Variants in SCARB2 observed in about 807,000 individuals in gnomAD.
The protein encoded by SCARB2 is scavenger receptor class B member 2.
SCARB2 carries 29 observed loss-of-function variants against 58.6 expected under a neutral mutation model. The observed-to-expected ratio is 0.49, with a 90% CI of 0.37 to 0.67. SCARB2 has a LOEUF of 0.67. Among genes scored for constraint, SCARB2 ranks in the 30% least tolerant of loss-of-function variants. The pLI is 0.00. For synonymous variants in SCARB2, 195 were observed against 210.1 expected, an observed-to-expected ratio of 0.93 and a Z score of 0.62; for missense variants, 488 against 578.5, an observed-to-expected ratio of 0.84 and a Z score of 1.60.
At chr4:76,229,978 TG>T (rs1733465485) in intron 1 of SCARB2, among the ~76,000 whole-genome samples, 1 of 152,092 alleles carries the variant, frequency 6.6e-6, no homozygotes, top group Non-Finnish European at 1.5e-5. Flanking sequence ...AGCCAGGAGG[TG>T]GTGCTTTCAA....
At chr4:76,173,187 A>C (rs1263155340) in intron 7 of SCARB2, 1 of 152,232 alleles carries the variant, frequency 6.6e-6, no homozygotes, top group Admixed American at 6.5e-5. Flanking sequence ...TCATTCATGG[A>C]AAGGAGCAGA....
In SCARB2 at chr4:76,213,547, G is replaced by C; in HGVS notation, c.-4C>G. ...TGTAGAAGCAGCATCGGCCCATTCT[G>C]TGCGCCGCTCACGGGCCGGGCCGGG... On this transcript the variant is annotated 5_prime_UTR_variant, in exon 1 of 12. Transcript: ENST00000264896. 6.2e-7 allele frequency: 1 copy of C among 1,604,922 alleles called. No individual in the cohort carries two copies. The highest frequency in any genetic ancestry group is 2.2e-5 in the East Asian group (1 of 44,446).
intron 2 of SCARB2, among the ~76,000 whole-genome samples, chr4:76,182,100 T>C (rs1403142206): frequency 2.0e-5 from 3 of 152,174 alleles, no homozygotes; most frequent in Non-Finnish European, 4.4e-5. Flanking sequence ...CAGAATCTGA[T>C]CTTTTGTTCA....
upstream of SCARB2, among the ~76,000 whole-genome samples, chr4:76,215,000 G>T (rs1009107149): frequency 9.8e-5 from 15 of 152,330 alleles, no homozygotes; most frequent in Middle Eastern, 3.4e-3. Flanking sequence ...ATTGGGGTGG[G>T]GAATCCTTTA....
At chr4:76,186,817 A>C (rs1040841582) in intron 2 of SCARB2, among the ~76,000 whole-genome samples, 1 of 151,910 alleles carries the variant, frequency 6.6e-6, no homozygotes, top group Non-Finnish European at 1.5e-5. Flanking sequence ...TTTACTTCTG[A>C]GCAGTTTAAG....
chr4:76,163,024 T>G, intron 11 of SCARB2: 1 of 663,534 alleles, frequency 1.5e-6, no homozygotes, highest in Non-Finnish European at 2.7e-6. Context: ...AGATGGTACC[T>G]TCTAACCCTC....
chr4:76,177,213 T>G (rs1441762697), intron 4 of SCARB2: 1 of 152,066 alleles, frequency 6.6e-6, no homozygotes, highest in African/African-American at 2.4e-5. Flanking sequence ...TGAAGAGACA[T>G]TTCTGAAAAG....
intron 7 of SCARB2, among the ~76,000 whole-genome samples, chr4:76,170,567 C>T (rs1578716956): frequency 6.6e-6 from 1 of 151,596 alleles, no homozygotes; most frequent in Non-Finnish European, 1.5e-5. Context: ...TTTGTTTTTA[C>T]CAAAGACAGG....
chr4:76,209,371 T>C (rs1341257252), intron 1 of SCARB2, among the ~76,000 whole-genome samples: 1 of 152,170 alleles, frequency 6.6e-6, no homozygotes, highest in Non-Finnish European at 1.5e-5. Flanking sequence ...TTTTTATTTT[T>C]ATTTTTATTT....
chr4:76,182,219 C>T (rs2109949800), intron 2 of SCARB2, among the ~76,000 whole-genome samples: 1 of 152,216 alleles, frequency 6.6e-6, no homozygotes, highest in South Asian at 2.1e-4. Context: ...TTCCTTCTTC[C>T]TAAACCAGCT....
At chr4:76,221,639 C>T (rs971085738) in intron 1 of SCARB2, among the ~76,000 whole-genome samples, 3 of 152,084 alleles carry the variant, frequency 2.0e-5, no homozygotes, top group Non-Finnish European at 1.5e-5. Context: ...TTATTTCAAG[C>T]GAACTACTGC....
chr4:76,201,242 G>A (rs1259288787), intron 1 of SCARB2, among the ~76,000 whole-genome samples: 1 of 152,044 alleles, frequency 6.6e-6, no homozygotes, highest in Non-Finnish European at 1.5e-5. Context: ...TGGGCTTCAG[G>A]GCTCAATTCA....
chr4:76,223,162 C>T (rs544562182), intron 1 of SCARB2, among the ~76,000 whole-genome samples: 2 of 152,298 alleles, frequency 1.3e-5, no homozygotes, highest in Admixed American at 6.5e-5. Flanking sequence ...TAAAACAGTC[C>T]TCCAGGTGTT....
At chr4:76,234,276 T>C (rs993523340) in intron 1 of SCARB2, 6 of 152,336 alleles carry the variant, frequency 3.9e-5, no homozygotes, top group Non-Finnish European at 7.3e-5. Context: ...GGAGCAACAG[T>C]GAGAGGTTTT....
At chr4:76,168,292 A>G in intron 9 of SCARB2, 111 bp downstream of exon 9, 1 of 834,094 alleles carries the variant, frequency 1.2e-6, no homozygotes, top group Non-Finnish European at 2.1e-6. Context: ...CCTGAAGGGC[A>G]GGGGTGAGCA....
chr4:76,180,839 T>G, intron 3 of SCARB2, 115 bp downstream of exon 3: 1 of 780,458 alleles, frequency 1.3e-6, no homozygotes, highest in South Asian at 2.4e-5. Context: ...TCTTTTTATA[T>G]ATGTATATTT....
intron 6 of SCARB2, chr4:76,174,522 G>A: frequency 3.6e-6 from 2 of 562,636 alleles, no homozygotes; most frequent in Non-Finnish European, 6.4e-6. Context: ...TAGCAACGGT[G>A]ATATCATCCA....
Position 76,175,845 on chromosome 4 carries a change from TGAA to T in SCARB2, c.767_769del (p.Phe256_His257delinsTyr). 1 of 1,614,018 alleles carries T rather than the reference TGAA, an allele frequency of 6.2e-7. No homozygotes were observed. Among genetic ancestry groups the T allele is most frequent in the Non-Finnish European group, 8.5e-7 (1 of 1,179,972 alleles). ...GACCTCATCTTTGGTTATTAGTGGGTGAAAAGAATCTCCATCTGTTCCATTAAT... is the reference window on the plus strand; with the variant it reads ...GACCTCATCTTTGGTTATTAGTGGGTAAGAATCTCCATCTGTTCCATTAAT... On this transcript the variant is annotated inframe_deletion, in exon 6 of 12. Coordinates refer to ENST00000264896, the MANE Select transcript of SCARB2 (RefSeq NM_005506.4).
chr4:76,212,651 G>A (rs1390960904), intron 1 of SCARB2, among the ~76,000 whole-genome samples: 1 of 152,158 alleles, frequency 6.6e-6, no homozygotes, highest in Admixed American at 6.5e-5. Flanking sequence ...ACACAGCTTG[G>A]TGGATGTGGG....
Sources: allele counts gnomAD v4.1 joint callset (sites outside exome capture counted in the v4.1 genomes callset), GRCh38; gene constraint gnomAD v4.1.1; transcripts MANE v1.5; gene names NCBI Gene and HGNC (gene_info 2026-07-23, HGNC 2026-07-21).